Variants in GRIN2C observed in about 807,000 individuals in gnomAD.
GRIN2C encodes the protein glutamate ionotropic receptor NMDA type subunit 2C, also known as glutamate receptor ionotropic, NMDA 2C.
GRIN2C carries 64 observed loss-of-function variants against 77.7 expected under a neutral mutation model. That is an observed-to-expected ratio of 0.82 (90% CI 0.67 to 1.01). The LOEUF (loss-of-function observed/expected upper bound fraction) is 1.01. Among genes scored for constraint, GRIN2C ranks in the 50% least tolerant of loss-of-function variants. The probability of loss-of-function intolerance (pLI) is 0.00; values close to 1 mark genes in which losing one functional copy is unlikely to be tolerated. For missense variants in GRIN2C, 1,549 were observed against 1,486.0 expected (o/e 1.04, Z -0.70); for synonymous variants, 792 against 643.4 (o/e 1.23, Z -3.49).
Position 74,847,933 on chromosome 17 carries a change from G to A in GRIN2C, c.1690C>T (p.Leu564Phe). The A allele has an allele frequency of 6.2e-7, 1 of 1,614,068 alleles. No individual in the cohort carries two copies. Among genetic ancestry groups the A allele is most frequent in the East Asian group, 2.2e-5 (1 of 44,874 alleles). Reference sequence around the variant, plus strand: ...AAGACGGTGATGGCCACCACAGTGAGGCACATGACAAACATCATCACCCAC... The same window carrying A: ...AAGACGGTGATGGCCACCACAGTGAAGCACATGACAAACATCATCACCCAC... ...AVWVMMFVMCLTVVAITVFMF... is the reference protein window; with the variant it reads ...AVWVMMFVMCFTVVAITVFMF... The change falls in exon 8 of 13, where the codon CTC (leucine) becomes TTC (phenylalanine). Residue 564 changes from leucine to phenylalanine, a missense_variant. By Grantham distance (22) the Leu-to-Phe change is conservative. Around this residue, in one of 3 missense-constraint regions of GRIN2C, gnomAD observed 717 missense variants for 858.1 expected, o/e 0.84. Transcript: ENST00000293190. This position sits in a 1 kb window ranked among gnomAD's most constrained non-coding sequence, Gnocchi z 5.2.
chr17:74,858,935 GGCACCT>G (rs2037888008), intron 1 of GRIN2C, among the ~76,000 whole-genome samples: 1 of 152,036 alleles, frequency 6.6e-6, no homozygotes, highest in Non-Finnish European at 1.5e-5. Context: ...CTCTCCCACA[GGCACCT>G]GCCTTGATGC....
In GRIN2C at chr17:74,852,000, G is replaced by T; in HGVS notation, c.998+13C>A. 1 of 1,467,428 alleles carries T rather than the reference G, an allele frequency of 6.8e-7. No homozygotes were observed. The highest frequency in any genetic ancestry group is 9.0e-7 in the Non-Finnish European group (1 of 1,107,312). The allele number at this position is 1,467,428 out of a possible 1,614,324, so 90.9% of individuals were successfully genotyped here. ...CCCACCTCCCTACCCCTATGCCCCG[G>T]GCAGGTGCCCACCTGTAGAAGGCCT... On this transcript the variant is annotated intron_variant, in intron 3 of 12. Transcript: ENST00000293190.
chr17:74,849,717 G>A lies in GRIN2C; in HGVS notation c.1645+63C>T. 3 of 1,508,414 alleles carry A rather than the reference G, an allele frequency of 2.0e-6. No homozygotes were observed. In the South Asian group the frequency reaches 3.4e-5, roughly 17 times the overall value. 93.4% of individuals were successfully genotyped at this position (1,508,414 alleles called of 1,614,324 possible). On this transcript the variant is annotated intron_variant, in intron 7 of 12. Transcript: ENST00000293190. The surrounding 1 kb of genome is among the most constrained non-coding windows in gnomAD (Gnocchi z 4.6). ...CCAACTCCCCATCCCCACCCAAGCT[G>A]TACACACCCTCCTCGTGGGCCCCTC... is the stretch of plus-strand genomic sequence containing the variant.
intron 11 of GRIN2C, among the ~76,000 whole-genome samples, 197 bp downstream of exon 11, chr17:74,845,869 C>T (rs1470962589): frequency 6.6e-6 from 1 of 152,086 alleles, no homozygotes; most frequent in Non-Finnish European, 1.5e-5. Flanking sequence ...GTTCCTGCTC[C>T]CGCCCTGCAC....
chr17:74,844,201 G>A, intron 12 of GRIN2C, 75 bp downstream of exon 12: 1 of 1,578,668 alleles, frequency 6.3e-7, no homozygotes, highest in Non-Finnish European at 8.6e-7. Flanking sequence ...CTGGAAATGG[G>A]CCATGGCCAG....
In GRIN2C at chr17:74,849,337, A is replaced by G. The variant is rs1341427434; in HGVS notation, c.1645+443T>C. Among the ~76,000 whole-genome samples the G allele has an allele frequency of 1.3e-5, 2 of 152,142 alleles. No homozygotes were observed. Among genetic ancestry groups the G allele is most frequent in the African/African-American group, 4.8e-5 (2 of 41,430 alleles). ...GACAGGGAACTTTGGGAAGGCAAAGACTACGCTGTAGCCCCAGCACCCAGC... is the reference window on the plus strand; with the variant it reads ...GACAGGGAACTTTGGGAAGGCAAAGGCTACGCTGTAGCCCCAGCACCCAGC... On this transcript the variant is annotated intron_variant, in intron 7 of 12. Transcript: ENST00000293190. The surrounding 1 kb of genome is among the most constrained non-coding windows in gnomAD (Gnocchi z 4.6).
chr17:74,852,746 C>G (rs1037427095), intron 2 of GRIN2C, 135 bp from the exon 3 acceptor site: 3 of 482,186 alleles, frequency 6.2e-6, no homozygotes, highest in Non-Finnish European at 7.2e-6. Flanking sequence ...AGCCCTCTGG[C>G]CTGCGCCTCC....
intron 12 of GRIN2C, 41 bp from the exon 13 acceptor site, chr17:74,843,594 C>G: frequency 6.6e-7 from 1 of 1,517,068 alleles, no homozygotes; most frequent in South Asian, 1.2e-5. Context: ...CAGCGCCCTC[C>G]GCTCAGGGAC....
rs754674133 is a variant in GRIN2C, at chr17:74,844,496, TTC to T, written c.2361_2362del (p.Lys788ThrfsTer13). On this transcript the variant is annotated frameshift_variant, in exon 12 of 13. Transcript: ENST00000293190. LOFTEE classifies it high-confidence loss of function. ...CCCTGAGAGCCACACTGTCTCCAGT[TTC>T]TGTGTCTCTCCTGGAGTTGGGGGGT... 5.6e-6 allele frequency: 9 copies of T among 1,613,960 alleles called. No homozygotes were observed. The highest frequency in any genetic ancestry group is 7.6e-6 in the Non-Finnish European group (9 of 1,179,934).
Position 74,843,021 on chromosome 17 carries a change from C to A in GRIN2C, c.3116G>T (p.Gly1039Val), listed in dbSNP as rs946542357. The change falls in exon 13 of 13, where the codon GGC becomes GTC. Residue 1039 changes from glycine (G) to valine (V), a missense_variant. Coordinates refer to ENST00000293190, the MANE Select transcript of GRIN2C (RefSeq NM_000835.6). ...YSSFPRADRS[G>V]RPFLPLFPEL... Reference sequence around the variant, plus strand: ...CGGGAAGAGCGGGAGGAAGGGGCGGCCGGATCGGTCGGCTCGAGGAAAGGA... The same window carrying A: ...CGGGAAGAGCGGGAGGAAGGGGCGGACGGATCGGTCGGCTCGAGGAAAGGA... 1 of 491,446 alleles carries A rather than the reference C, an allele frequency of 2.0e-6. No homozygotes were observed. Among genetic ancestry groups the A allele is most frequent in the Non-Finnish European group, 3.6e-6 (1 of 275,764 alleles). The allele number at this position is 491,446 out of a possible 1,614,324, so 30.4% of individuals were successfully genotyped here. A position where few individuals can be genotyped will look rare whatever the true frequency, so the allele number is the denominator to read the frequency against.
chr17:74,850,876 G>T lies in GRIN2C; in HGVS notation c.1114-109C>A, dbSNP rs1406098694. ...TCCCTCTCTCACCTAGGGATGCTGG[G>T]GCAGGTCAGAGTAGGGCTGCTCCCA... On this transcript the variant is annotated intron_variant, in intron 4 of 12. Coordinates refer to ENST00000293190, the MANE Select transcript of GRIN2C (RefSeq NM_000835.6). This position sits in a 1 kb window ranked among gnomAD's most constrained non-coding sequence, Gnocchi z 5.3. 3.2e-6 allele frequency: 3 copies of T among 950,452 alleles called. No homozygotes were observed. In the African/African-American group the frequency reaches 4.9e-5, roughly 15 times the overall value. 58.9% of individuals were successfully genotyped at this position (950,452 alleles called of 1,614,324 possible).
chr17:74,845,353 C>T (rs2037425522), intron 11 of GRIN2C, among the ~76,000 whole-genome samples: 1 of 149,470 alleles, frequency 6.7e-6, no homozygotes, highest in African/African-American at 2.5e-5. Flanking sequence ...CAGCCTCAAA[C>T]TCCTGGACTC....
upstream of GRIN2C, chr17:74,860,901 A>G (rs2037935609): frequency 4.3e-6 from 1 of 233,020 alleles, no homozygotes; most frequent in Admixed American, 5.4e-5. Context: ...CAGCAGACCT[A>G]GGGAAACTGG....
intron 12 of GRIN2C, 135 bp from the exon 13 acceptor site, chr17:74,843,688 C>G (rs2037373124): frequency 8.4e-7 from 1 of 1,195,994 alleles, no homozygotes; most frequent in Admixed American, 2.6e-5. Flanking sequence ...AAGCATCTCC[C>G]ATGCGCCAGG....
chr17:74,852,448 G>A lies in GRIN2C; in HGVS notation c.563C>T (p.Ala188Val). The A allele has an allele frequency of 6.5e-7, 1 of 1,544,268 alleles. No homozygotes were observed. Among genetic ancestry groups the A allele is most frequent in the Non-Finnish European group, 8.7e-7 (1 of 1,155,782 alleles). ...CAGCAGCCGCCAACTCACGTGGCTG[G>A]CGTCGGCGACGGCGCGCACGCCCTC... ...FLEGVRAVAD[A>V]SHVSWRLLDV... The change falls in exon 3 of 13, where the codon GCC (alanine) becomes GTC (valine). Residue 188 changes from alanine to valine, a missense_variant. By Grantham distance (64) the Ala-to-Val change is moderately conservative (BLOSUM62 0). Around this residue, in one of 3 missense-constraint regions of GRIN2C, gnomAD observed 382 missense variants for 360.0 expected, o/e 1.06. Coordinates refer to ENST00000293190, the MANE Select transcript of GRIN2C (RefSeq NM_000835.6).
intron 11 of GRIN2C, 59 bp from the exon 12 acceptor site, chr17:74,844,567 A>G: frequency 6.3e-7 from 1 of 1,576,850 alleles, no homozygotes; most frequent in Non-Finnish European, 8.6e-7. Context: ...CAACCCCCTC[A>G]CAAAGCTCAC....
In GRIN2C at chr17:74,847,846, G is replaced by C; in HGVS notation, c.1771+6C>G. 1 of 1,613,954 alleles carries C rather than the reference G, an allele frequency of 6.2e-7. No homozygotes were observed. Among genetic ancestry groups the C allele is most frequent in the Non-Finnish European group, 8.5e-7 (1 of 1,179,920 alleles). On this transcript the variant is annotated splice_donor_region_variant and intron_variant, in intron 8 of 12. Transcript: ENST00000293190. This position sits in a 1 kb window ranked among gnomAD's most constrained non-coding sequence, Gnocchi z 5.2. ...ACCCCTCCTGCCGGGCCCAGGCAAG[G>C]CTTACTCTTGCCTCTGGTGAGGTTC...
chr17:74,861,154 G>A (rs753258848), upstream of GRIN2C, among the ~76,000 whole-genome samples: 1 of 152,194 alleles, frequency 6.6e-6, no homozygotes, highest in African/African-American at 2.4e-5. Context: ...CGTCTTGGAC[G>A]CTTCGCCCGC....
At chr17:74,843,612 G>A (rs966413957) in intron 12 of GRIN2C, 59 bp from the exon 13 acceptor site, 9 of 1,520,716 alleles carry the variant, frequency 5.9e-6, no homozygotes, top group Middle Eastern at 2.3e-4. Context: ...GACCCGCCAC[G>A]ATTGTCCCTG....
Sources: gnomAD v4.1 joint callset for allele counts (sites outside exome capture counted in the v4.1 genomes callset) on GRCh38, gnomAD v4.1.1 for gene constraint, gnomAD v4.1.1 regional missense constraint, Gnocchi (gnomAD v3.1) non-coding constraint, MANE v1.5 for transcripts, NCBI Gene and HGNC (gene_info 2026-07-23, HGNC 2026-07-21) for gene names.